CYRIB: variants seen among roughly 807,000 people sequenced by gnomAD.
The protein encoded by CYRIB is CYFIP-related Rac1 interactor B.
A neutral mutation model predicts 44.2 loss-of-function variants in CYRIB; 8 were observed. The ratio of observed to expected loss-of-function variants is 0.18; its 90% CI spans 0.11 to 0.33. CYRIB has a LOEUF of 0.33. Among genes scored for constraint, CYRIB ranks in the 10% least tolerant of loss-of-function variants. The pLI is 1.00. For synonymous variants in CYRIB, 131 were observed against 127.2 expected (o/e 1.03, Z -0.20); for missense variants, 185 against 382.8 (o/e 0.48, Z 4.31).
chr8:129,939,126 TCGAGG>T (rs200246188), intron 1 of CYRIB, among the ~76,000 whole-genome samples: 56 of 151,570 alleles, frequency 3.7e-4, no homozygotes, highest in Middle Eastern at 3.4e-3. Context: ...GGGCTGGGTG[TCGAGG>T]CGAGGCGAGG....
At chr8:129,852,102 T>C in intron 8 of CYRIB, 60 bp downstream of exon 10, 1 of 1,017,370 alleles carries the variant, frequency 9.8e-7, no homozygotes. Flanking sequence ...CTTGCTGACA[T>C]CACGTCTGCC....
intron 3 of CYRIB, among the ~76,000 whole-genome samples, chr8:129,872,962 G>A (rs969806927): frequency 3.3e-5 from 5 of 151,874 alleles, no homozygotes; most frequent in African/African-American, 7.2e-5. Flanking sequence ...AAACGGTAAC[G>A]TTATTTTGTG....
At chr8:130,002,582 A>ATTCT (rs924347330) in intron 1 of CYRIB, among the ~76,000 whole-genome samples, 1 of 152,180 alleles carries the variant, frequency 6.6e-6, no homozygotes, top group African/African-American at 2.4e-5. Flanking sequence ...ATATCTCCAT[A>ATTCT]TTCTTATCTC....
At chr8:129,861,165 T>C (rs116480720) in intron 5 of CYRIB, among the ~76,000 whole-genome samples, 6,681 of 152,284 alleles carry the variant, frequency 0.044, 254 homozygotes, top group African/African-American at 0.1. Flanking sequence ...CTGACACACA[T>C]CTATACTATT....
chr8:129,900,419 T>C (rs2070949078), intron 2 of CYRIB, among the ~76,000 whole-genome samples: 1 of 152,178 alleles, frequency 6.6e-6, no homozygotes, highest in Non-Finnish European at 1.5e-5. Context: ...ACATTCAATT[T>C]GTAGTCAGTG....
intron 2 of CYRIB, among the ~76,000 whole-genome samples, chr8:129,902,793 G>A (rs2072987468): frequency 6.6e-6 from 1 of 152,046 alleles, no homozygotes; most frequent in African/African-American, 2.4e-5. Context: ...TAAAACAACT[G>A]CAGGATTACA....
chr8:129,982,022 C>T (rs1019355022), intron 1 of CYRIB, among the ~76,000 whole-genome samples: 13 of 152,254 alleles, frequency 8.5e-5, no homozygotes, highest in Non-Finnish European at 1.5e-4. Flanking sequence ...AATGACATCA[C>T]ATGGATACTG....
chr8:129,897,031 T>C (rs1361225828), intron 2 of CYRIB, among the ~76,000 whole-genome samples: 1 of 152,122 alleles, frequency 6.6e-6, no homozygotes, highest in East Asian at 1.9e-4. Flanking sequence ...ATTTCTGGGG[T>C]TGACTAGGGG....
intron 1 of CYRIB, among the ~76,000 whole-genome samples, chr8:129,906,994 T>C (rs1240806219): frequency 6.6e-6 from 1 of 152,210 alleles, no homozygotes; most frequent in African/African-American, 2.4e-5. Context: ...ACTTTTACAC[T>C]GTTGGTGGGA....
At chr8:129,915,658 T>C (rs779900785) in intron 1 of CYRIB, among the ~76,000 whole-genome samples, 1 of 152,170 alleles carries the variant, frequency 6.6e-6, no homozygotes, top group African/African-American at 2.4e-5. Flanking sequence ...ATTAACTATG[T>C]TGAAGCTCCA....
intron 1 of CYRIB, among the ~76,000 whole-genome samples, chr8:129,907,563 G>A (rs2076074134): frequency 1.3e-5 from 2 of 151,920 alleles, no homozygotes; most frequent in African/African-American, 4.8e-5. Flanking sequence ...TGCACATTGT[G>A]CACATGTACC....
chr8:129,918,702 T>C (rs1417909811), intron 1 of CYRIB, among the ~76,000 whole-genome samples: 1 of 152,220 alleles, frequency 6.6e-6, no homozygotes, highest in Non-Finnish European at 1.5e-5. Context: ...GTTATCATAC[T>C]CTGCTCTGCA....
At chr8:129,915,318 C>G (rs907104518) in intron 1 of CYRIB, among the ~76,000 whole-genome samples, 2 of 152,136 alleles carry the variant, frequency 1.3e-5, no homozygotes, top group Admixed American at 6.6e-5. Context: ...AAGAAACAAG[C>G]TACTCACACA....
At chr8:129,924,278 A>AT (rs1377359797) in intron 1 of CYRIB, among the ~76,000 whole-genome samples, 1 of 112,218 alleles carries the variant, frequency 8.9e-6, no homozygotes, top group Admixed American at 9.9e-5. Context: ...GCCTCCAAAA[A>AT]AAAAAAAAAA....
In CYRIB at chr8:129,876,485, G is replaced by A. The variant is rs376931433; in HGVS notation, c.73+2904C>T. 3.9e-5 allele frequency among the ~76,000 whole-genome samples: 6 copies of A among 152,266 alleles called. No homozygotes were observed. The South Asian group carries it at 1.2e-3, about 32-fold the overall frequency. On this transcript the variant is annotated intron_variant, in intron 3 of 11. Transcript: ENST00000519824. ...TATTTTGCAACCCCAGCACCTACTG[G>A]CTGGTATACAGGAGGCAAGGCATAA... is the stretch of plus-strand genomic sequence containing the variant.
rs1226238899 is a variant in CYRIB, at chr8:129,862,486, T to C, written c.196-152A>G. Reference sequence around the variant, plus strand: ...TCTAGGAGTGTTGAATATTTTTTTTTTTGAGAGAGCGTCTCACTCTGTTGC... The same window carrying C: ...TCTAGGAGTGTTGAATATTTTTTTTCTTGAGAGAGCGTCTCACTCTGTTGC... On this transcript the variant is annotated intron_variant, in intron 4 of 11. Coordinates refer to ENST00000519824, the Ensembl canonical transcript of CYRIB. 6.0e-5 allele frequency: 40 copies of C among 669,616 alleles called. No individual in the cohort carries two copies. The Admixed American group carries it at 1.2e-3, about 19-fold the overall frequency. The allele number at this position is 669,616 out of a possible 1,614,324, so 41.5% of individuals were successfully genotyped here.
At chr8:129,923,630 C>G (rs936433164) in intron 1 of CYRIB, among the ~76,000 whole-genome samples, 1 of 152,012 alleles carries the variant, frequency 6.6e-6, no homozygotes, top group African/African-American at 2.4e-5. Context: ...AGTAAAACTA[C>G]TTTTCATTCT....
intron 1 of CYRIB, among the ~76,000 whole-genome samples, chr8:129,928,855 A>G (rs984425139): frequency 9.9e-5 from 15 of 152,246 alleles, no homozygotes; most frequent in African/African-American, 1.4e-4. Flanking sequence ...CTGGTAGGAC[A>G]TAAAATAGCA....
intron 2 of CYRIB, among the ~76,000 whole-genome samples, chr8:129,956,141 A>G (rs2094815750): frequency 6.6e-6 from 1 of 152,204 alleles, no homozygotes; most frequent in African/African-American, 2.4e-5. Flanking sequence ...TGTCTCGTGG[A>G]GCGCAGTGAG....
Sources: allele counts gnomAD v4.1 joint callset (sites outside exome capture counted in the v4.1 genomes callset), GRCh38; gene constraint gnomAD v4.1.1; transcripts MANE v1.5; gene names NCBI Gene and HGNC (gene_info 2026-07-23, HGNC 2026-07-21).